PCTP: variants seen among roughly 807,000 people sequenced by gnomAD.
PCTP encodes the protein START domain-containing protein 2.
PCTP carries 27 observed loss-of-function variants against 31.0 expected under a neutral mutation model. The observed-to-expected ratio is 0.87, with a 90% CI of 0.64 to 1.20. The LOEUF (loss-of-function observed/expected upper bound fraction) is 1.20. Ranked by LOEUF, PCTP falls within the 50% of genes most tolerant of loss-of-function variation. PCTP has a pLI of 0.00. For synonymous variants in PCTP, 108 were observed against 101.2 expected (o/e 1.07, Z -0.40); for missense variants, 287 against 268.2 (o/e 1.07, Z -0.49).
At chr17:55,826,735 G>GCCT (rs771824903), downstream of PCTP, among the ~76,000 whole-genome samples, 5 of 152,172 alleles carry the variant, frequency 3.3e-5, no homozygotes, top group Non-Finnish European at 5.9e-5. Context: ...AACGATGTAA[G>GCCT]CCTGTCTAGG....
At chr17:55,821,911 T>C (rs1913127758) in intron 3 of PCTP, among the ~76,000 whole-genome samples, 1 of 152,184 alleles carries the variant, frequency 6.6e-6, no homozygotes, top group Non-Finnish European at 1.5e-5. Flanking sequence ...ACCCTGGAAC[T>C]GGGGTGAGGT....
At chr17:55,813,346 ACTGCAAC>A (rs1912814628) in intron 3 of PCTP, among the ~76,000 whole-genome samples, 1 of 152,172 alleles carries the variant, frequency 6.6e-6, no homozygotes, top group Non-Finnish European at 1.5e-5. Flanking sequence ...ATCTCGGCTC[ACTGCAAC>A]CTCTGCCTCC....
intron 3 of PCTP, among the ~76,000 whole-genome samples, chr17:55,805,880 A>G (rs533703340): frequency 1.1e-4 from 12 of 106,958 alleles, no homozygotes; most frequent in African/African-American, 5.5e-4. Flanking sequence ...CTCTCTCTCA[A>G]TCTGTATGTG....
rs972179114 is a variant in PCTP at position 55,751,216 on chromosome 17, G to A, written c.113G>A (p.Gly38Asp). The change falls in exon 1 of 6, where the codon GGC becomes GAC. Residue 38 changes from glycine (G) to aspartate (D), a missense_variant. Physicochemically the swap from Gly to Asp is moderately conservative, Grantham distance 94. Coordinates refer to ENST00000268896, the MANE Select transcript of PCTP (RefSeq NM_021213.4). ...TGGCAGCTCCTAGTGGAGACCTCGG[G>A]CATCAGCATCTACCGGCTGCTGGAC... is the stretch of plus-strand genomic sequence containing the variant. ...ADWQLLVETS[G>D]ISIYRLLDKK... The A allele has an allele frequency of 1.2e-5, 18 of 1,544,748 alleles. No individual in the cohort carries two copies. Among genetic ancestry groups the A allele is most frequent in the Non-Finnish European group, 1.5e-5 (17 of 1,144,620 alleles).
intron 3 of PCTP, among the ~76,000 whole-genome samples, chr17:55,796,047 CAG>C (rs1407627486): frequency 1.3e-5 from 2 of 151,956 alleles, no homozygotes; most frequent in African/African-American, 4.8e-5. Flanking sequence ...AGGAGTTAAA[CAG>C]AAAGTGAATG....
At chr17:55,752,522 G>A (rs944607070) in intron 1 of PCTP, among the ~76,000 whole-genome samples, 3 of 152,144 alleles carry the variant, frequency 2.0e-5, no homozygotes, top group Non-Finnish European at 4.4e-5. Flanking sequence ...AATAAATGGA[G>A]AATATAGGTA....
intron 5 of PCTP, among the ~76,000 whole-genome samples, chr17:55,841,742 T>A (rs936128620): frequency 1.3e-5 from 2 of 152,214 alleles, no homozygotes; most frequent in Non-Finnish European, 2.9e-5. Context: ...CCTCTGTGAT[T>A]CCACAAGGAA....
chr17:55,808,332 A>T (rs776314057), intron 3 of PCTP, among the ~76,000 whole-genome samples: 8 of 152,224 alleles, frequency 5.3e-5, no homozygotes, highest in African/African-American at 9.6e-5. Flanking sequence ...ATTCTCTGAG[A>T]AGCATTCTCT....
chr17:55,765,034 C>T (rs1910563161), intron 1 of PCTP, among the ~76,000 whole-genome samples: 1 of 152,078 alleles, frequency 6.6e-6, no homozygotes, highest in African/African-American at 2.4e-5. Flanking sequence ...ATATGGCTTA[C>T]CAAGGAAACA....
chr17:55,840,454 C>A (rs964332264), intron 5 of PCTP, among the ~76,000 whole-genome samples: 1 of 152,210 alleles, frequency 6.6e-6, no homozygotes, highest in African/African-American at 2.4e-5. Flanking sequence ...TCATCTATAA[C>A]CACCAGAAAT....
downstream of PCTP, among the ~76,000 whole-genome samples, chr17:55,779,966 A>C (rs34212603): frequency 0.14 from 21,604 of 152,226 alleles, 1,599 homozygotes; most frequent in Middle Eastern, 0.19. Flanking sequence ...CATGCAGCCC[A>C]TCAGAGCAGA....
intron 5 of PCTP, among the ~76,000 whole-genome samples, chr17:55,835,221 G>A (rs1461755668): frequency 1.3e-5 from 2 of 152,164 alleles, no homozygotes; most frequent in Non-Finnish European, 2.9e-5. Context: ...GCCTCCAGAA[G>A]TGTGAGACAA....
intron 2 of PCTP, among the ~76,000 whole-genome samples, chr17:55,786,767 T>C (rs1911761870): frequency 6.6e-6 from 1 of 152,148 alleles, no homozygotes; most frequent in African/African-American, 2.4e-5. Context: ...AGATTGCAAG[T>C]TTAACTTTCT....
chr17:55,834,781 G>A (rs891877413), intron 5 of PCTP, among the ~76,000 whole-genome samples: 2 of 151,912 alleles, frequency 1.3e-5, no homozygotes, highest in African/African-American at 2.4e-5. Context: ...AGAGGAGGGG[G>A]GCAGAGGGAT....
At chr17:55,804,122 A>G (rs892596144) in intron 3 of PCTP, among the ~76,000 whole-genome samples, 4 of 152,242 alleles carry the variant, frequency 2.6e-5, no homozygotes, top group Admixed American at 1.3e-4. Context: ...GATCATCATC[A>G]CTGGTCATTA....
At chr17:55,833,990 A>G (rs1030620509) in intron 5 of PCTP, among the ~76,000 whole-genome samples, 21 of 152,266 alleles carry the variant, frequency 1.4e-4, no homozygotes, top group African/African-American at 3.6e-4. Context: ...TAACTTATTT[A>G]TGTCTGAAGA....
chr17:55,773,443 T>G (rs1911119542), intron 3 of PCTP, among the ~76,000 whole-genome samples: 1 of 152,174 alleles, frequency 6.6e-6, no homozygotes, highest in African/African-American at 2.4e-5. Context: ...TCCCAGTGCC[T>G]TCTTGGAGAA....
At chr17:55,799,483 G>A (rs1912303446) in intron 3 of PCTP, among the ~76,000 whole-genome samples, 1 of 151,276 alleles carries the variant, frequency 6.6e-6, no homozygotes, top group Non-Finnish European at 1.5e-5. Context: ...ACATGAGATG[G>A]GTCTCCTGAA....
chr17:55,774,658 C>T, intron 4 of PCTP, 134 bp from the exon 5 acceptor site: 2 of 695,098 alleles, frequency 2.9e-6, no homozygotes, highest in Non-Finnish European at 5.0e-6. Flanking sequence ...GGAGAGAAGT[C>T]CATCTGAATT....
Sources: allele counts gnomAD v4.1 joint callset (sites outside exome capture counted in the v4.1 genomes callset), GRCh38; gene constraint gnomAD v4.1.1; transcripts MANE v1.5; gene names NCBI Gene and HGNC (gene_info 2026-07-23, HGNC 2026-07-21).